The following XKR4 variants were observed in gnomAD, a reference collection of about 807,000 sequenced individuals.
The protein encoded by XKR4 is XK related 4.
A neutral mutation model predicts 53.9 loss-of-function variants in XKR4; 12 were observed. The observed-to-expected ratio is 0.22, with a 90% CI of 0.14 to 0.36. XKR4 has a LOEUF of 0.36. Among genes scored for constraint, XKR4 ranks in the 10% least tolerant of loss-of-function variants. The pLI, the probability that XKR4 is intolerant of heterozygous loss-of-function variation, is 1.00. For synonymous variants in XKR4, 354 were observed against 362.4 expected, an observed-to-expected ratio of 0.98 and a Z score of 0.26; for missense variants, 799 against 859.5, an observed-to-expected ratio of 0.93 and a Z score of 0.88.
rs182239767 is a variant in XKR4 at position 55,411,364 on chromosome 8, G to C, written c.1006+53487G>C. On this transcript the variant is annotated intron_variant, in intron 2 of 2. Transcript: ENST00000327381. ...TGTATAGTGTGTAGCACAGAGCCTG[G>C]CACATTTACGTGCTCAGTGAGCGTG... Among the ~76,000 whole-genome samples, 3 of 152,260 alleles carry C rather than the reference G, an allele frequency of 2.0e-5. No individual in the cohort carries two copies. In the East Asian group the frequency reaches 5.8e-4, roughly 29 times the overall value.
At chr8:55,143,892 C>T (rs1816737815) in intron 1 of XKR4, among the ~76,000 whole-genome samples, 2 of 152,176 alleles carry the variant, frequency 1.3e-5, no homozygotes, top group South Asian at 4.1e-4. Context: ...AAAACCAAAT[C>T]TCTACACACA....
In XKR4 at chr8:55,181,329, CTA is replaced by C. The variant is rs1303645319; in HGVS notation, c.806+78037_806+78038del. Among the ~76,000 whole-genome samples the C allele has an allele frequency of 4.6e-5, 7 of 152,260 alleles. No individual in the cohort carries two copies. The East Asian group carries it at 1.4e-3, about 29-fold the overall frequency. On this transcript the variant is annotated intron_variant, in intron 1 of 2. Coordinates refer to ENST00000327381, the MANE Select transcript of XKR4 (RefSeq NM_052898.2). ...TCTCCTTGCATCCCACAGGTGTTCTCTATGTGTCACTCTGATAACTATTCCAC... is the reference window on the plus strand; with the variant it reads ...TCTCCTTGCATCCCACAGGTGTTCTCTGTGTCACTCTGATAACTATTCCAC...
At chr8:55,304,379 T>A (rs1234616609) in intron 1 of XKR4, among the ~76,000 whole-genome samples, 1 of 152,196 alleles carries the variant, frequency 6.6e-6, no homozygotes, top group East Asian at 1.9e-4. Context: ...TTATAATTTG[T>A]GTTCTTTTAC....
chr8:55,170,359 T>C (rs1817141275), intron 1 of XKR4, among the ~76,000 whole-genome samples: 1 of 152,138 alleles, frequency 6.6e-6, no homozygotes, highest in African/African-American at 2.4e-5. Flanking sequence ...ATAATAGTCC[T>C]AAAAGTGCAA....
intron 2 of XKR4, among the ~76,000 whole-genome samples, chr8:55,474,200 A>G (rs1249878684): frequency 6.6e-6 from 1 of 152,092 alleles, no homozygotes; most frequent in African/African-American, 2.4e-5. Flanking sequence ...ATCAGCCACC[A>G]TTCCTAGCCT....
chr8:55,288,359 G>T (rs967844692), intron 1 of XKR4, among the ~76,000 whole-genome samples: 1 of 152,216 alleles, frequency 6.6e-6, no homozygotes, highest in African/African-American at 2.4e-5. Flanking sequence ...TGCTAAAGAT[G>T]TTGCCAGAAA....
intron 1 of XKR4, among the ~76,000 whole-genome samples, chr8:55,346,683 T>TTGTGTGTGTG (rs1438938737): frequency 1.8e-5 from 1 of 55,522 alleles, no homozygotes; most frequent in African/African-American, 1.1e-4. Flanking sequence ...CCTGTTGAGG[T>TTGTGTGTGTG]TATGTGTGTG....
At chr8:55,498,789 A>G (rs1289020048) in intron 2 of XKR4, among the ~76,000 whole-genome samples, 1 of 152,016 alleles carries the variant, frequency 6.6e-6, no homozygotes, top group Non-Finnish European at 1.5e-5. Context: ...AGACAGAGAG[A>G]GACAGAGACA....
intron 1 of XKR4, among the ~76,000 whole-genome samples, chr8:55,134,765 TG>T (rs1816601535): frequency 1.3e-5 from 2 of 152,250 alleles, no homozygotes; most frequent in Non-Finnish European, 2.9e-5. Flanking sequence ...CAAGTTGTTT[TG>T]TGAAACTTCA....
chr8:55,167,156 T>A (rs998587443), intron 1 of XKR4, among the ~76,000 whole-genome samples: 1 of 152,190 alleles, frequency 6.6e-6, no homozygotes, highest in African/African-American at 2.4e-5. Context: ...TGCCATGGCT[T>A]GAGCAAATGG....
chr8:55,291,833 T>A (rs1345359591), intron 1 of XKR4, among the ~76,000 whole-genome samples: 2 of 152,176 alleles, frequency 1.3e-5, no homozygotes, highest in Non-Finnish European at 2.9e-5. Context: ...TAGATACTCC[T>A]TATCAAGCTG....
intron 2 of XKR4, among the ~76,000 whole-genome samples, chr8:55,474,519 G>A (rs532396720): frequency 1.3e-3 from 192 of 152,102 alleles, no homozygotes; most frequent in Non-Finnish European, 2.2e-3. Flanking sequence ...GAGTTTTCAG[G>A]AAATACTCAT....
At chr8:55,387,804 A>G (rs1441020043) in intron 2 of XKR4, among the ~76,000 whole-genome samples, 1 of 152,180 alleles carries the variant, frequency 6.6e-6, no homozygotes, top group African/African-American at 2.4e-5. Context: ...TGTCCCTCTC[A>G]GGGTGAACTG....
intron 1 of XKR4, among the ~76,000 whole-genome samples, chr8:55,148,793 C>T (rs1426324456): frequency 3.3e-5 from 5 of 152,242 alleles, no homozygotes; most frequent in Admixed American, 6.5e-5. Context: ...TAAAATTTGG[C>T]GCATCTATTT....
At chr8:55,392,107 G>A (rs1804451560) in intron 2 of XKR4, among the ~76,000 whole-genome samples, 1 of 152,178 alleles carries the variant, frequency 6.6e-6, no homozygotes, top group Non-Finnish European at 1.5e-5. Flanking sequence ...AACTTGTCAG[G>A]ATGAGCTCAT....
chr8:55,365,358 T>C (rs1425484401), intron 2 of XKR4, among the ~76,000 whole-genome samples: 2 of 152,200 alleles, frequency 1.3e-5, no homozygotes, highest in African/African-American at 2.4e-5. Context: ...TTTGTGATGA[T>C]GTATCAAGTA....
At chr8:55,288,988 C>T (rs1237064187) in intron 1 of XKR4, among the ~76,000 whole-genome samples, 6 of 152,000 alleles carry the variant, frequency 3.9e-5, no homozygotes, top group Non-Finnish European at 7.4e-5. Flanking sequence ...TTGCATGGAT[C>T]GGCAGTTTGC....
intron 1 of XKR4, among the ~76,000 whole-genome samples, chr8:55,242,171 CT>C (rs1563491162): frequency 6.6e-6 from 1 of 152,112 alleles, no homozygotes; most frequent in Non-Finnish European, 1.5e-5. Context: ...ACATCTGAAT[CT>C]TTTTTAGTCC....
intron 1 of XKR4, among the ~76,000 whole-genome samples, chr8:55,299,978 G>A (rs1262586441): frequency 6.6e-6 from 1 of 152,152 alleles, no homozygotes; most frequent in Non-Finnish European, 1.5e-5. Flanking sequence ...CCAGGAGAGG[G>A]AGGCCTTCTG....
Sources: allele counts gnomAD v4.1 joint callset (sites outside exome capture counted in the v4.1 genomes callset), GRCh38; gene constraint gnomAD v4.1.1; transcripts MANE v1.5; gene names NCBI Gene and HGNC (gene_info 2026-07-23, HGNC 2026-07-21).